Variants in OR1B1 observed in about 807,000 individuals in gnomAD.
OR1B1 encodes the protein olfactory receptor 1B1.
For synonymous variants in OR1B1, 168 were observed against 156.2 expected (o/e 1.08, Z -0.57); for missense variants, 414 against 402.1 (o/e 1.03, Z -0.25).
At chr9:122,629,223 A>T in exon 1 of OR1B1, 1 of 1,614,156 alleles carries the variant, frequency 6.2e-7, no homozygotes, top group Non-Finnish European at 8.5e-7. Context: ...GCATAGAAGA[A>T]AAAGAACTGA....
chr9:122,653,217 G>C, the OR1B1 span, among the ~76,000 whole-genome samples: 5 of 152,204 alleles, frequency 3.3e-5, no homozygotes, highest in Admixed American at 2.0e-4. Context: ...ATGTATTAAT[G>C]TTGACAGACA....
the OR1B1 span, among the ~76,000 whole-genome samples, chr9:122,652,232 A>G: frequency 6.6e-6 from 1 of 152,230 alleles, no homozygotes; most frequent in Non-Finnish European, 1.5e-5. Flanking sequence ...ATATAATATT[A>G]CAACTTACCT....
upstream of OR1B1, among the ~76,000 whole-genome samples, chr9:122,632,788 AGTTT>A (rs1830215532): frequency 6.6e-6 from 1 of 152,114 alleles, no homozygotes; most frequent in Non-Finnish European, 1.5e-5. Context: ...GGTTTGTATT[AGTTT>A]GTTTTCACCC....
At chr9:122,647,019 G>A in the OR1B1 span, among the ~76,000 whole-genome samples, 1 of 151,990 alleles carries the variant, frequency 6.6e-6, no homozygotes. Context: ...TAAAATGATG[G>A]GTTATTGGAC....
the OR1B1 span, among the ~76,000 whole-genome samples, chr9:122,653,943 A>T: frequency 0.013 from 1,999 of 152,296 alleles, 22 homozygotes; most frequent in Non-Finnish European, 0.021. Flanking sequence ...ATTATTAAAT[A>T]CTTATTTTCT....
the OR1B1 span, among the ~76,000 whole-genome samples, chr9:122,646,305 G>A: frequency 6.6e-6 from 1 of 151,812 alleles, no homozygotes; most frequent in Non-Finnish European, 1.5e-5. Flanking sequence ...CCACAGAACA[G>A]CCAGAAAACA....
chr9:122,644,973 G>A, the OR1B1 span, among the ~76,000 whole-genome samples: 1 of 152,184 alleles, frequency 6.6e-6, no homozygotes, highest in South Asian at 2.1e-4. Flanking sequence ...GAGAAACAGA[G>A]ATATATGAAC....
chr9:122,653,423 A>G, the OR1B1 span, among the ~76,000 whole-genome samples: 1 of 152,218 alleles, frequency 6.6e-6, no homozygotes, highest in Admixed American at 6.5e-5. Flanking sequence ...CTTGTAAATG[A>G]GGAAGATAGT....
chr9:122,632,374 A>G (rs1172506276), upstream of OR1B1, among the ~76,000 whole-genome samples: 1 of 152,212 alleles, frequency 6.6e-6, no homozygotes, highest in Non-Finnish European at 1.5e-5. Context: ...GAAAAACTCA[A>G]TGGATGGGTT....
upstream of OR1B1, among the ~76,000 whole-genome samples, chr9:122,631,379 G>A (rs1041301464): frequency 2.0e-5 from 3 of 150,264 alleles, no homozygotes; most frequent in Non-Finnish European, 3.0e-5. Context: ...GGGTTTCACC[G>A]TGTTAGCCAG....
upstream of OR1B1, among the ~76,000 whole-genome samples, chr9:122,631,242 T>C (rs1236930671): frequency 6.6e-6 from 1 of 151,982 alleles, no homozygotes; most frequent in African/African-American, 2.4e-5. Context: ...AGTGGCACGA[T>C]CTCGGCTCAC....
chr9:122,648,070 G>A, the OR1B1 span, among the ~76,000 whole-genome samples: 1 of 151,820 alleles, frequency 6.6e-6, no homozygotes, highest in African/African-American at 2.4e-5. Flanking sequence ...AAAAAATACA[G>A]ATCAATGTAT....
At chr9:122,640,612 C>G in the OR1B1 span, among the ~76,000 whole-genome samples, 3 of 152,086 alleles carry the variant, frequency 2.0e-5, no homozygotes, top group African/African-American at 7.2e-5. Context: ...AGATTTTAAA[C>G]AATTTGTAAG....
chr9:122,629,584 C>A, upstream of OR1B1: 1 of 1,182,468 alleles, frequency 8.5e-7, no homozygotes, highest in South Asian at 1.4e-5. Context: ...AAAAGAAAGT[C>A]ATGGGTCTGA....
At chr9:122,645,595 T>C in the OR1B1 span, among the ~76,000 whole-genome samples, 4 of 152,044 alleles carry the variant, frequency 2.6e-5, no homozygotes, top group Admixed American at 6.5e-5. Flanking sequence ...GACTTTTCAG[T>C]GGAAACCTTA....
chr9:122,642,657 A>G, the OR1B1 span, among the ~76,000 whole-genome samples: 5 of 152,176 alleles, frequency 3.3e-5, no homozygotes, highest in Admixed American at 2.6e-4. Flanking sequence ...GTTGGGGTAG[A>G]GAAGACAAAT....
chr9:122,649,670 AG>A, the OR1B1 span, among the ~76,000 whole-genome samples: 1 of 152,264 alleles, frequency 6.6e-6, no homozygotes, highest in East Asian at 1.9e-4. Context: ...ACTGGTCATT[AG>A]AGAAATGCAA....
chr9:122,639,716 AT>A, the OR1B1 span: 1 of 150,286 alleles, frequency 6.7e-6, no homozygotes, highest in Non-Finnish European at 1.5e-5. Flanking sequence ...ATCAAATTTA[AT>A]TTCAATATAT....
At chr9:122,628,930 C>T (rs1830170837) in exon 1 of OR1B1, 1 of 1,613,990 alleles carries the variant, frequency 6.2e-7, no homozygotes, top group Non-Finnish European at 8.5e-7. Flanking sequence ...ATATGGCCAG[C>T]TCATTAGAAT....
Sources: allele counts gnomAD v4.1 joint callset (sites outside exome capture counted in the v4.1 genomes callset), GRCh38; gene constraint gnomAD v4.1.1; transcripts MANE v1.5; gene names NCBI Gene and HGNC (gene_info 2026-07-23, HGNC 2026-07-21).